Variants in BTNL8 observed in about 807,000 individuals in gnomAD.
BTNL8 encodes butyrophilin-like protein 8.
Under a neutral mutation model 36.1 loss-of-function variants are expected in BTNL8, and 22 were observed. The ratio of observed to expected loss-of-function variants is 0.61; its 90% CI spans 0.44 to 0.87. BTNL8 has a LOEUF of 0.87. Ranked by LOEUF, BTNL8 falls within the 40% of genes least tolerant of loss-of-function variation. BTNL8 has a pLI of 0.00. For missense variants in BTNL8, 526 were observed against 616.9 expected (o/e 0.85, Z 1.56); for synonymous variants, 203 against 235.6 (o/e 0.86, Z 1.27).
At chr5:180,912,606 G>A (rs1431016764) in intron 3 of BTNL8, among the ~76,000 whole-genome samples, 3 of 152,062 alleles carry the variant, frequency 2.0e-5, no homozygotes, top group South Asian at 4.2e-4. Context: ...GTGTACACCT[G>A]TAGTCCCAGC....
At chr5:180,905,808 T>A (rs1757052037) in intron 1 of BTNL8, among the ~76,000 whole-genome samples, 1 of 151,100 alleles carries the variant, frequency 6.6e-6, no homozygotes, top group Admixed American at 6.6e-5. Context: ...CAGGAGCAGG[T>A]TGTTCAGTTT....
At chr5:180,948,027 C>A (rs887390924) in intron 4 of BTNL8, 1 of 651,018 alleles carries the variant, frequency 1.5e-6, no homozygotes, top group Non-Finnish European at 2.5e-6. Context: ...CCCCCAAAAC[C>A]AATTTCCTCC....
At chr5:180,905,706 C>T (rs1457513773) in intron 1 of BTNL8, among the ~76,000 whole-genome samples, 3 of 126,950 alleles carry the variant, frequency 2.4e-5, no homozygotes, top group African/African-American at 6.9e-5. Context: ...GAATGTGTCC[C>T]AGAGATTCTG....
rs575975160 is a variant in BTNL8 at position 180,929,335 on chromosome 5, G to C, written c.673+17721G>C. Among the ~76,000 whole-genome samples the C allele has an allele frequency of 5.3e-5, 8 of 152,294 alleles. No homozygotes were observed. The South Asian group carries it at 1.2e-3, about 24-fold the overall frequency. On this transcript the variant is annotated intron_variant, in intron 3 of 7. Coordinates refer to ENST00000340184, the MANE Select transcript of BTNL8 (RefSeq NM_001040462.3). ...AGCACTGTTTAGAGAGAAATTTATA[G>C]CACTACATGCCCACAGGAGAAAGCA...
At chr5:180,943,115 A>C (rs1315678357) in intron 3 of BTNL8, among the ~76,000 whole-genome samples, 2 of 150,734 alleles carry the variant, frequency 1.3e-5, no homozygotes. Context: ...ATCCAATCAC[A>C]AAAGGGAAGA....
intron 3 of BTNL8, among the ~76,000 whole-genome samples, chr5:180,912,533 G>T (rs1757447061): frequency 6.6e-6 from 1 of 151,938 alleles, no homozygotes; most frequent in Admixed American, 6.6e-5. Context: ...TAGAGAAAAA[G>T]AATTTTAGGG....
chr5:180,909,771 C>T (rs1757305364), intron 2 of BTNL8: 1 of 187,676 alleles, frequency 5.3e-6, no homozygotes, highest in Non-Finnish European at 9.8e-6. Context: ...TTATTGTTTA[C>T]AGTTGTTGCC....
chr5:180,938,515 TCTTCCTTCCTTC>T (rs1223061050), intron 3 of BTNL8, among the ~76,000 whole-genome samples: 2 of 150,950 alleles, frequency 1.3e-5, no homozygotes, highest in South Asian at 4.2e-4. Flanking sequence ...TTTCTTTCCT[TCTTCCTTCCTTC>T]CTTCCTTCCT....
chr5:180,947,532 T>A lies in BTNL8; in HGVS notation c.694T>A (p.Ser232Thr). ...TTCAGATACCTTTTTCGAGCCTATA[T>A]CGTGGCACCTGGCTACCAAAGTACT... ...QIGDTFFEPI[S>T]WHLATKVLGI... The change falls in exon 4 of 8, where the codon TCG (serine) becomes ACG (threonine). Residue 232 changes from serine (S) to threonine (T), a missense_variant. By Grantham distance (58) the Ser-to-Thr change is moderately conservative. Around this residue, in one of 2 missense-constraint regions of BTNL8, gnomAD observed 350 missense variants for 324.6 expected, o/e 1.08. Transcript: ENST00000340184. 3 of 1,613,842 alleles carry A rather than the reference T, an allele frequency of 1.9e-6. No homozygotes were observed. The highest frequency in any genetic ancestry group is 2.5e-6 in the Non-Finnish European group (3 of 1,179,710).
At chr5:180,902,816 T>C (rs1756892861) in intron 1 of BTNL8, among the ~76,000 whole-genome samples, 1 of 142,464 alleles carries the variant, frequency 7.0e-6, no homozygotes, top group Non-Finnish European at 1.5e-5. Flanking sequence ...AGAATGATGA[T>C]TTCTAATTTC....
intron 1 of BTNL8, among the ~76,000 whole-genome samples, chr5:180,904,764 T>G (rs1422575320): frequency 6.7e-6 from 1 of 150,194 alleles, no homozygotes; most frequent in Non-Finnish European, 1.5e-5. Context: ...AAAGGCTTTT[T>G]CTGCATCTAT....
At chr5:180,934,843 G>A (rs1054552195) in intron 3 of BTNL8, among the ~76,000 whole-genome samples, 2 of 152,276 alleles carry the variant, frequency 1.3e-5, no homozygotes, top group African/African-American at 4.8e-5. Context: ...AGGGCGGTGT[G>A]TATCAGCCCT....
intron 3 of BTNL8, among the ~76,000 whole-genome samples, chr5:180,946,924 T>C (rs529976529): frequency 6.6e-6 from 1 of 152,270 alleles, no homozygotes; most frequent in East Asian, 1.9e-4. Flanking sequence ...AGGGAAGAGA[T>C]AGTTTTTCAG....
At position 180,928,606 on chromosome 5, in the gene BTNL8, AGAGATG is replaced by A. The variant is rs1165617227; in HGVS notation, c.673+16996_673+17001del. On this transcript the variant is annotated intron_variant, in intron 3 of 7. Transcript: ENST00000340184. ...AAAGACACACATAGGCTCAAAATAA[AGAGATG>A]GAGGAAATTTACCAACCAAATGGAA... Among the ~76,000 whole-genome samples the A allele has an allele frequency of 3.8e-4, 58 of 152,246 alleles. 1 individual carries two copies. Among genetic ancestry groups the A allele is most frequent in the Admixed American group, 3.8e-3 (58 of 15,290 alleles).
chr5:180,937,117 T>C (rs892763795), intron 3 of BTNL8, among the ~76,000 whole-genome samples: 1 of 152,178 alleles, frequency 6.6e-6, no homozygotes, highest in East Asian at 1.9e-4. Context: ...CCACTGATGG[T>C]GGCCATATCT....
At chr5:180,945,288 T>C (rs909148907) in intron 3 of BTNL8, among the ~76,000 whole-genome samples, 1 of 152,204 alleles carries the variant, frequency 6.6e-6, no homozygotes, top group African/African-American at 2.4e-5. Flanking sequence ...ATTGAACCCT[T>C]ATCTCACACC....
chr5:180,905,440 G>C (rs1380062622), intron 1 of BTNL8, among the ~76,000 whole-genome samples: 1 of 100,578 alleles, frequency 9.9e-6, no homozygotes, highest in Non-Finnish European at 1.9e-5. Flanking sequence ...AGTCTTGCTA[G>C]CGGTCTATCA....
chr5:180,939,136 G>C (rs1561944243), intron 3 of BTNL8, among the ~76,000 whole-genome samples: 1 of 152,044 alleles, frequency 6.6e-6, no homozygotes, highest in East Asian at 1.9e-4. Flanking sequence ...ATCAAACTTG[G>C]ATATACAAAA....
chr5:180,929,683 T>C lies in BTNL8; in HGVS notation c.674-17829T>C, dbSNP rs559889609. ...AACTACAATCAGAGAATACTATAAA[T>C]CCCTCTACACAAATAAACTAGAAAA... is the stretch of plus-strand genomic sequence containing the variant. On this transcript the variant is annotated intron_variant, in intron 3 of 7. Coordinates refer to ENST00000340184, the MANE Select transcript of BTNL8 (RefSeq NM_001040462.3). 1.1e-4 allele frequency among the ~76,000 whole-genome samples: 16 copies of C among 152,108 alleles called. No individual in the cohort carries two copies. The East Asian group carries it at 2.5e-3, about 24-fold the overall frequency.
Sources: gnomAD v4.1 joint callset for allele counts (sites outside exome capture counted in the v4.1 genomes callset) on GRCh38, gnomAD v4.1.1 for gene constraint, gnomAD v4.1.1 regional missense constraint, MANE v1.5 for transcripts, NCBI Gene and HGNC (gene_info 2026-07-23, HGNC 2026-07-21) for gene names.